HLCS: variants seen among roughly 807,000 people sequenced by gnomAD.
HLCS encodes the protein holocarboxylase synthetase, also known as biotin--protein ligase.
A neutral mutation model predicts 75.0 loss-of-function variants in HLCS; 53 were observed. The ratio of observed to expected loss-of-function variants is 0.71; its 90% CI spans 0.57 to 0.89. The LOEUF is 0.89. Ranked by LOEUF, HLCS falls within the 40% of genes least tolerant of loss-of-function variation. HLCS has a pLI of 0.00. For synonymous variants in HLCS, 431 were observed against 428.6 expected, an observed-to-expected ratio of 1.01 and a Z score of -0.07; for missense variants, 966 against 1,074.0, an observed-to-expected ratio of 0.90 and a Z score of 1.41.
intron 6 of HLCS, among the ~76,000 whole-genome samples, chr21:36,896,147 C>T (rs2065002061): frequency 1.3e-5 from 2 of 152,136 alleles, no homozygotes; most frequent in Admixed American, 6.5e-5. Context: ...CCCAGGAGTT[C>T]GAGGCCAGCC....
rs1436657717 is a variant in HLCS at position 36,749,015 on chromosome 21, A to AC, written c.*5230dup. 1.3e-5 allele frequency: 2 copies of AC among 152,692 alleles called. No individual in the cohort carries two copies. Among genetic ancestry groups the AC allele is most frequent in the African/African-American group, 4.8e-5 (2 of 41,484 alleles). 9.5% of individuals were successfully genotyped at this position (152,692 alleles called of 1,614,324 possible). A position where few individuals can be genotyped will look rare whatever the true frequency, so the allele number is the denominator to read the frequency against. On this transcript the variant is annotated 3_prime_UTR_variant, in exon 11 of 11. Coordinates refer to ENST00000674895, the MANE Select transcript of HLCS (RefSeq NM_001352514.2). ...ATACGGAACACTGTCAATGGACTGC[A>AC]CCTTGTGAAGGAAAAACATGCTTAA... is the stretch of plus-strand genomic sequence containing the variant.
intron 6 of HLCS, among the ~76,000 whole-genome samples, chr21:36,800,488 C>T (rs764800741): frequency 5.9e-5 from 9 of 152,080 alleles, no homozygotes; most frequent in Non-Finnish European, 8.8e-5. Flanking sequence ...CTGCCGGTAC[C>T]GCTCTTGGCA....
At chr21:36,892,121 A>C (rs2064811316) in intron 6 of HLCS, among the ~76,000 whole-genome samples, 1 of 152,208 alleles carries the variant, frequency 6.6e-6, no homozygotes, top group South Asian at 2.1e-4. Context: ...GTCCTGAGAG[A>C]CTTGTATCTC....
intron 6 of HLCS, among the ~76,000 whole-genome samples, chr21:36,889,903 C>G (rs934260439): frequency 1.7e-4 from 26 of 152,232 alleles, no homozygotes; most frequent in Admixed American, 1.1e-3. Context: ...TGTGCCCCCA[C>G]ACAAATCTCA....
chr21:36,770,141 C>CTTTTTT (rs902358188), intron 6 of HLCS, among the ~76,000 whole-genome samples: 9 of 103,610 alleles, frequency 8.7e-5, no homozygotes, highest in Middle Eastern at 6.1e-3. Context: ...ACTATAGATG[C>CTTTTTT]TTTTTTTTTT....
intron 2 of HLCS, among the ~76,000 whole-genome samples, chr21:36,943,670 G>A (rs991324315): frequency 2.0e-5 from 3 of 151,932 alleles, no homozygotes; most frequent in African/African-American, 7.3e-5. Flanking sequence ...AAAATAGCCA[G>A]GAGCCAGGTG....
chr21:36,968,267 C>T (rs1404094204), upstream of HLCS, among the ~76,000 whole-genome samples: 1 of 152,196 alleles, frequency 6.6e-6, no homozygotes, highest in Non-Finnish European at 1.5e-5. Context: ...GCTGGGATTA[C>T]AAGTTTGAGC....
At chr21:36,810,834 A>T (rs2061490512) in intron 6 of HLCS, among the ~76,000 whole-genome samples, 1 of 152,204 alleles carries the variant, frequency 6.6e-6, no homozygotes, top group Non-Finnish European at 1.5e-5. Flanking sequence ...GGAATACCTT[A>T]TTATGCCAGA....
intron 6 of HLCS, chr21:36,896,552 T>C (rs1458799387): frequency 2.4e-6 from 1 of 417,814 alleles, no homozygotes; most frequent in Non-Finnish European, 4.5e-6. Context: ...TGAGCAATAA[T>C]GCCACCGGTT....
chr21:36,822,314 GGAGGCT>G (rs1313849856), intron 6 of HLCS, among the ~76,000 whole-genome samples: 1 of 152,136 alleles, frequency 6.6e-6, no homozygotes, highest in Non-Finnish European at 1.5e-5. Context: ...CAGCTACTTG[GGAGGCT>G]GAGGCAGAAG....
At chr21:36,972,410 A>G (rs2068816026) in intron 1 of HLCS, among the ~76,000 whole-genome samples, 1 of 152,138 alleles carries the variant, frequency 6.6e-6, no homozygotes, top group Admixed American at 6.6e-5. Flanking sequence ...TCAGCCTCCC[A>G]AAGCATTGGG....
chr21:36,791,526 C>T (rs1443414604), intron 6 of HLCS, among the ~76,000 whole-genome samples: 1 of 152,194 alleles, frequency 6.6e-6, no homozygotes, highest in Non-Finnish European at 1.5e-5. Context: ...ATCATTTTCC[C>T]TCCTGGGAGG....
chr21:36,885,937 T>C (rs2064432985), intron 6 of HLCS, among the ~76,000 whole-genome samples: 1 of 152,210 alleles, frequency 6.6e-6, no homozygotes, highest in African/African-American at 2.4e-5. Context: ...GTCTAATAAA[T>C]TGGGATTCCA....
chr21:36,965,608 G>T (rs1393781490), intron 1 of HLCS, among the ~76,000 whole-genome samples: 2 of 152,224 alleles, frequency 1.3e-5, no homozygotes, highest in Non-Finnish European at 2.9e-5. Flanking sequence ...CATCAGTCGG[G>T]TGCCCAAGTT....
chr21:36,796,593 C>T (rs2061032321), intron 6 of HLCS, among the ~76,000 whole-genome samples: 1 of 152,182 alleles, frequency 6.6e-6, no homozygotes. Flanking sequence ...CTTCCCCAAA[C>T]CAGGAAATGA....
intron 2 of HLCS, among the ~76,000 whole-genome samples, chr21:36,957,026 C>T (rs1434293737): frequency 4.1e-5 from 6 of 144,626 alleles, no homozygotes; most frequent in Non-Finnish European, 8.9e-5. Context: ...GCAGTCCAGC[C>T]TGGACAACAG....
intron 2 of HLCS, among the ~76,000 whole-genome samples, chr21:36,957,484 A>G (rs1476682335): frequency 6.6e-6 from 1 of 152,210 alleles, no homozygotes; most frequent in Non-Finnish European, 1.5e-5. Context: ...CAGTTACCAT[A>G]TGACAAGGCC....
chr21:36,954,831 G>C (rs571249204), intron 2 of HLCS, among the ~76,000 whole-genome samples: 55 of 152,300 alleles, frequency 3.6e-4, no homozygotes, highest in Middle Eastern at 6.8e-3. Context: ...GGGAGGCCGA[G>C]GCGGGGGGAT....
chr21:36,962,758 A>C (rs2068369633), intron 1 of HLCS, among the ~76,000 whole-genome samples: 1 of 139,586 alleles, frequency 7.2e-6, no homozygotes, highest in East Asian at 2.2e-4. Flanking sequence ...ATGCCACTGC[A>C]CTCCAGCCTT....
Sources: gnomAD v4.1 joint callset for allele counts (sites outside exome capture counted in the v4.1 genomes callset) on GRCh38, gnomAD v4.1.1 for gene constraint, MANE v1.5 for transcripts, NCBI Gene and HGNC (gene_info 2026-07-23, HGNC 2026-07-21) for gene names.